The following PHACTR1 variants were observed in gnomAD, a reference collection of about 807,000 sequenced individuals.
PHACTR1 encodes the protein RPEL repeat containing 1.
Under a neutral mutation model 69.2 loss-of-function variants are expected in PHACTR1, and 16 were observed. The observed-to-expected ratio is 0.23, with a 90% CI of 0.16 to 0.35. The LOEUF (loss-of-function observed/expected upper bound fraction) is 0.35. Ranked by LOEUF, PHACTR1 falls within the 10% of genes least tolerant of loss-of-function variation. The probability of loss-of-function intolerance (pLI) is 1.00; values close to 1 mark genes in which losing one functional copy is unlikely to be tolerated. For synonymous variants in PHACTR1, 312 were observed against 284.5 expected (o/e 1.10, Z -0.97); for missense variants, 510 against 734.7 (o/e 0.69, Z 3.54).
intron 5 of PHACTR1, among the ~76,000 whole-genome samples, chr6:13,069,250 T>C (rs1424145033): frequency 1.3e-5 from 2 of 152,208 alleles, no homozygotes; most frequent in Non-Finnish European, 2.9e-5. Flanking sequence ...TTGTTCCCAG[T>C]CCTCGCACTG....
chr6:13,053,463 G>A lies in PHACTR1; in HGVS notation c.349G>A (p.Gly117Arg). The change falls in exon 5 of 15, where the codon GGA becomes AGA. Residue 117 changes from glycine (G) to arginine (R), a missense_variant. This residue lies in a region of PHACTR1 where 419 missense variants were observed against 530.9 expected (regional missense o/e 0.79). Transcript: ENST00000332995. ...IRRRSKFANL[G>R]RIFKPWKWRK... The stretch of plus-strand genomic sequence containing the variant: ...CAGGAGAAGTAAGTTTGCCAACCTG[G>A]GAAGGATTTTCAAGCCTTGGAAATG... 4 of 1,613,906 alleles carry A rather than the reference G, an allele frequency of 2.5e-6. No individual in the cohort carries two copies. Among genetic ancestry groups the A allele is most frequent in the Non-Finnish European group, 3.4e-6 (4 of 1,179,868 alleles).
intron 12 of PHACTR1, chr6:13,280,835 A>T (rs894359117): frequency 1.7e-6 from 1 of 605,356 alleles, no homozygotes; most frequent in Admixed American, 3.0e-5. Flanking sequence ...CATTCAAGGA[A>T]GGACTTCAGG....
chr6:12,846,606 A>G (rs968783226), intron 4 of PHACTR1, among the ~76,000 whole-genome samples: 1 of 152,106 alleles, frequency 6.6e-6, no homozygotes, highest in African/African-American at 2.4e-5. Context: ...CTTGGCTCTT[A>G]TTGAGCTTTT....
At chr6:13,149,306 C>T (rs1823940844) in intron 5 of PHACTR1, among the ~76,000 whole-genome samples, 1 of 152,112 alleles carries the variant, frequency 6.6e-6, no homozygotes, top group African/African-American at 2.4e-5. Context: ...TTCCTTTATT[C>T]CAAGTCTTCT....
At chr6:12,869,597 C>T (rs938432210) in intron 4 of PHACTR1, among the ~76,000 whole-genome samples, 5 of 152,192 alleles carry the variant, frequency 3.3e-5, no homozygotes, top group African/African-American at 4.8e-5. Context: ...AAACTGGGCT[C>T]TTCACTGCAT....
At chr6:13,119,516 C>A (rs1007920094) in intron 5 of PHACTR1, among the ~76,000 whole-genome samples, 1 of 152,130 alleles carries the variant, frequency 6.6e-6, no homozygotes, top group African/African-American at 2.4e-5. Context: ...CCTAAGAAGG[C>A]CTCTCAGGGA....
intron 4 of PHACTR1, among the ~76,000 whole-genome samples, chr6:12,885,140 G>A (rs536765786): frequency 6.6e-6 from 1 of 152,216 alleles, no homozygotes; most frequent in Non-Finnish European, 1.5e-5. Flanking sequence ...AGCCTAGAGT[G>A]AGGTTGCCAC....
At chr6:12,857,613 A>AAC (rs1380244617) in intron 4 of PHACTR1, among the ~76,000 whole-genome samples, 1 of 151,612 alleles carries the variant, frequency 6.6e-6, no homozygotes, top group Non-Finnish European at 1.5e-5. Context: ...AAAAAAAAAA[A>AAC]AAATTCTCCC....
rs184477075 is a variant in PHACTR1 at position 13,247,996 on chromosome 6, C to T, written c.1391+17803C>T. 1.1e-4 allele frequency among the ~76,000 whole-genome samples: 16 copies of T among 152,340 alleles called. No individual in the cohort carries two copies. In the East Asian group the frequency reaches 1.7e-3, roughly 17 times the overall value. ...GGTTAATGTGGCATTTCAGGTGAAG[C>T]CCTCAGCACATCCTCCTTCAATTAC... On this transcript the variant is annotated intron_variant, in intron 10 of 14. Transcript: ENST00000332995.
At chr6:13,021,172 C>T (rs972138068) in intron 4 of PHACTR1, among the ~76,000 whole-genome samples, 6 of 152,158 alleles carry the variant, frequency 3.9e-5, no homozygotes, top group African/African-American at 1.4e-4. Context: ...TATTCCATTC[C>T]CTACACCCCA....
intron 7 of PHACTR1, among the ~76,000 whole-genome samples, chr6:13,202,766 C>T (rs1583904069): frequency 6.6e-5 from 10 of 152,184 alleles, no homozygotes; most frequent in Admixed American, 5.2e-4. Context: ...CGTGGGCCAC[C>T]GCGCCCGCCT....
chr6:13,169,415 A>G (rs1760279689), intron 6 of PHACTR1, among the ~76,000 whole-genome samples: 1 of 152,216 alleles, frequency 6.6e-6, no homozygotes, highest in Non-Finnish European at 1.5e-5. Context: ...TCCTGTAGTC[A>G]TGTAAATTGA....
At chr6:13,104,891 TA>T (rs1482558343) in intron 5 of PHACTR1, among the ~76,000 whole-genome samples, 1 of 152,226 alleles carries the variant, frequency 6.6e-6, no homozygotes, top group East Asian at 1.9e-4. Context: ...AACAGGTTTT[TA>T]TTGTGTCAGA....
At chr6:12,858,302 CT>C (rs1231925668) in intron 4 of PHACTR1, among the ~76,000 whole-genome samples, 1 of 152,138 alleles carries the variant, frequency 6.6e-6, no homozygotes, top group Non-Finnish European at 1.5e-5. Context: ...CTGACGCTTG[CT>C]GATTACACTC....
chr6:12,719,039 A>T (rs1761766869), intron 3 of PHACTR1, among the ~76,000 whole-genome samples, 192 bp downstream of exon 3: 1 of 152,222 alleles, frequency 6.6e-6, no homozygotes, highest in South Asian at 2.1e-4. Context: ...CACTTCTTGG[A>T]TGTGGTTAAA....
chr6:13,286,527 A>G (rs558493660), intron 14 of PHACTR1, among the ~76,000 whole-genome samples: 1 of 152,380 alleles, frequency 6.6e-6, no homozygotes, highest in African/African-American at 2.4e-5. Context: ...GTCAAGGAGA[A>G]AAGATTGTTG....
intron 4 of PHACTR1, among the ~76,000 whole-genome samples, chr6:13,009,262 A>G (rs1258510998): frequency 6.6e-6 from 1 of 152,202 alleles, no homozygotes; most frequent in East Asian, 1.9e-4. Flanking sequence ...CACATGTTCC[A>G]GGTGGGAGAG....
At chr6:12,832,754 G>A (rs1777722447) in intron 4 of PHACTR1, among the ~76,000 whole-genome samples, 1 of 151,986 alleles carries the variant, frequency 6.6e-6, no homozygotes, top group Admixed American at 6.6e-5. Context: ...GCTGTTATTT[G>A]GAAAAGAACA....
At chr6:13,088,631 C>T (rs1420110061) in intron 5 of PHACTR1, among the ~76,000 whole-genome samples, 1 of 152,128 alleles carries the variant, frequency 6.6e-6, no homozygotes, top group Admixed American at 6.6e-5. Context: ...TCCAGAGCCC[C>T]CTAAACACAG....
Sources: gnomAD v4.1 joint callset for allele counts (sites outside exome capture counted in the v4.1 genomes callset) on GRCh38, gnomAD v4.1.1 for gene constraint, gnomAD v4.1.1 regional missense constraint, MANE v1.5 for transcripts, NCBI Gene and HGNC (gene_info 2026-07-23, HGNC 2026-07-21) for gene names.